Variants in DNAH9 observed in about 807,000 individuals in gnomAD.
DNAH9 encodes DNAH9 variant protein.
Under a neutral mutation model 471.6 loss-of-function variants are expected in DNAH9, and 345 were observed. That is an observed-to-expected ratio of 0.73 (90% CI 0.67 to 0.80). The LOEUF (loss-of-function observed/expected upper bound fraction) is 0.80, where lower values mean the gene tolerates loss of function less well. DNAH9 is among the 30% of genes least tolerant of loss of function. DNAH9 has a pLI of 0.00. For missense variants in DNAH9, 5,407 were observed against 5,609.2 expected (o/e 0.96, Z 1.15); for synonymous variants, 2,093 against 2,123.6 (o/e 0.99, Z 0.40).
intron 19 of DNAH9, among the ~76,000 whole-genome samples, chr17:11,683,089 A>T (rs112769656): frequency 0.024 from 3,676 of 152,320 alleles, 148 homozygotes; most frequent in African/African-American, 0.083. Context: ...AATACTACTT[A>T]GTGTTAACAA....
At chr17:11,800,249 C>T (rs1390529127) in intron 43 of DNAH9, among the ~76,000 whole-genome samples, 1 of 151,994 alleles carries the variant, frequency 6.6e-6, no homozygotes, top group Non-Finnish European at 1.5e-5. Flanking sequence ...GCCTTCCCTA[C>T]AACTTCAGTT....
chr17:11,893,406 C>T (rs373930286), intron 58 of DNAH9, among the ~76,000 whole-genome samples: 28 of 149,120 alleles, frequency 1.9e-4, no homozygotes, highest in African/African-American at 5.4e-4. Flanking sequence ...CACATACACA[C>T]GTATGTTTAT....
Position 11,798,464 on chromosome 17 carries a change from A to C in DNAH9, c.8420+671A>C, listed in dbSNP as rs1026726735. On this transcript the variant is annotated intron_variant, in intron 43 of 68. Transcript: ENST00000262442. ...AAAAAAAAAAAAAAAAAAAAGAGAG[A>C]GAGAGAGAGAGAGATAGAGGGTTTG... Among the ~76,000 whole-genome samples the C allele has an allele frequency of 8.2e-4, 118 of 144,684 alleles. 1 individual carries two copies. Among genetic ancestry groups the C allele is most frequent in the Non-Finnish European group, 1.6e-3 (102 of 65,592 alleles). The allele number at this position is 144,684 out of a possible 152,430, so 94.9% of individuals were successfully genotyped here. A position where few individuals can be genotyped will look rare whatever the true frequency, so the allele number is the denominator to read the frequency against.
At chr17:11,860,734 T>C (rs370763487) in intron 50 of DNAH9, among the ~76,000 whole-genome samples, 4 of 152,288 alleles carry the variant, frequency 2.6e-5, no homozygotes, top group South Asian at 4.1e-4. Flanking sequence ...GCTAATTTTG[T>C]ATTTTCAGTA....
In DNAH9 at chr17:11,690,045, TGCTGCAGCTCCA is replaced by T; in HGVS notation, c.4230_4241del (p.Gln1410_Leu1413del). ...GACCAGGACACCACCCTAGCGCACC[TGCTGCAGCTCCA>T]GCTGCACCACTATGAGGATGAGGTC... On this transcript the variant is annotated inframe_deletion, in exon 20 of 69. Transcript: ENST00000262442. 6.2e-7 allele frequency: 1 copy of T among 1,614,202 alleles called. No homozygotes were observed. The highest frequency in any genetic ancestry group is 8.5e-7 in the Non-Finnish European group (1 of 1,180,020).
chr17:11,756,401 G>A (rs1322164132), intron 33 of DNAH9, among the ~76,000 whole-genome samples, 167 bp from the exon 34 acceptor site: 1 of 152,078 alleles, frequency 6.6e-6, no homozygotes, highest in Non-Finnish European at 1.5e-5. Context: ...TGGGAATTAT[G>A]GGAGCTACAA....
rs779501130 is a variant in DNAH9, at chr17:11,807,892, A to G, written c.8581A>G (p.Lys2861Glu). 3.8e-6 allele frequency: 6 copies of G among 1,599,300 alleles called. No homozygotes were observed. The South Asian group carries it at 5.5e-5, about 15-fold the overall frequency. The change falls in exon 44 of 69, where the codon AAG becomes GAG. Residue 2861 changes from lysine (K) to glutamate (E), a missense_variant and splice_region_variant. Coordinates refer to ENST00000262442, the MANE Select transcript of DNAH9 (RefSeq NM_001372.4). ...LRKGYQIQDF[K>E]MDLASLCLKA... The stretch of plus-strand genomic sequence containing the variant: ...CAAAGGCTACCAGATCCAGGACTTC[A>G]AGGTAAAAGGTCAGGCAGCTGCAGG...
intron 51 of DNAH9, 57 bp from the exon 52 acceptor site, chr17:11,871,541 G>A: frequency 6.6e-7 from 1 of 1,519,260 alleles, no homozygotes; most frequent in Non-Finnish European, 9.1e-7. Flanking sequence ...TGGAATCACG[G>A]CTCTATCACC....
In DNAH9 at chr17:11,727,940, G is replaced by C. The variant is rs777141718; in HGVS notation, c.5814+18G>C. 3.2e-6 allele frequency: 5 copies of C among 1,541,574 alleles called. No individual in the cohort carries two copies. The Admixed American group carries it at 5.0e-5, about 15-fold the overall frequency. ...CAGTGCAGGTAAGGGCCAGAAGTTG[G>C]TGGGAGCCTTGTGGTCTTCATATTG... On this transcript the variant is annotated intron_variant, in intron 28 of 68. Coordinates refer to ENST00000262442, the MANE Select transcript of DNAH9 (RefSeq NM_001372.4).
At chr17:11,796,988 C>T (rs908797321) in intron 42 of DNAH9, among the ~76,000 whole-genome samples, 1 of 152,164 alleles carries the variant, frequency 6.6e-6, no homozygotes, top group African/African-American at 2.4e-5. Flanking sequence ...AGATTTGACA[C>T]ACAGCCCGAA....
At chr17:11,687,207 C>T (rs886301586) in intron 19 of DNAH9, among the ~76,000 whole-genome samples, 2 of 152,112 alleles carry the variant, frequency 1.3e-5, no homozygotes, top group Admixed American at 6.6e-5. Flanking sequence ...ATAGAGAAGG[C>T]ATGCAAATGA....
intron 61 of DNAH9, among the ~76,000 whole-genome samples, chr17:11,920,035 C>CTTTTTT (rs1165405913): frequency 3.2e-4 from 43 of 135,950 alleles, no homozygotes; most frequent in African/African-American, 9.8e-4. Context: ...TAAGTTCTTT[C>CTTTTTT]TTTTTTTTTT....
At chr17:11,600,557 A>G (rs1041618505) in intron 1 of DNAH9, among the ~76,000 whole-genome samples, 2 of 152,192 alleles carry the variant, frequency 1.3e-5, no homozygotes, top group Admixed American at 6.5e-5. Context: ...ATTGGAGACA[A>G]ACAATGTTCA....
chr17:11,657,508 T>C (rs1160040823), intron 14 of DNAH9, among the ~76,000 whole-genome samples: 2 of 152,110 alleles, frequency 1.3e-5, no homozygotes, highest in Non-Finnish European at 2.9e-5. Flanking sequence ...GGTTTACTTA[T>C]ATTCTTATTG....
intron 51 of DNAH9, among the ~76,000 whole-genome samples, chr17:11,869,747 C>T (rs1005296922): frequency 1.3e-5 from 2 of 152,184 alleles, no homozygotes; most frequent in African/African-American, 2.4e-5. Flanking sequence ...ATCAAGTCTG[C>T]AGGTCAGGGC....
chr17:11,799,934 G>C (rs1253034751), intron 43 of DNAH9, among the ~76,000 whole-genome samples: 2 of 152,040 alleles, frequency 1.3e-5, no homozygotes, highest in Non-Finnish European at 2.9e-5. Context: ...AGATACTGTT[G>C]AGGAAAAATA....
intron 55 of DNAH9, 59 bp downstream of exon 55, chr17:11,881,472 G>T: frequency 6.5e-7 from 1 of 1,533,086 alleles, no homozygotes; most frequent in Non-Finnish European, 8.8e-7. Context: ...CTCCACTCTG[G>T]GAGAGGTTGC....
At chr17:11,925,819 T>C (rs190516075) in intron 62 of DNAH9, among the ~76,000 whole-genome samples, 78 of 152,228 alleles carry the variant, frequency 5.1e-4, no homozygotes, top group African/African-American at 1.6e-3. Context: ...TCTGGATGCC[T>C]GCCTTTCCCC....
intron 48 of DNAH9, among the ~76,000 whole-genome samples, chr17:11,826,960 G>A (rs1335695288): frequency 6.6e-6 from 1 of 151,522 alleles, no homozygotes; most frequent in African/African-American, 2.4e-5. Context: ...GAGTAGCTGG[G>A]ACTACAGGCA....
Sources: gnomAD v4.1 joint callset for allele counts (sites outside exome capture counted in the v4.1 genomes callset) on GRCh38, gnomAD v4.1.1 for gene constraint, MANE v1.5 for transcripts, NCBI Gene and HGNC (gene_info 2026-07-23, HGNC 2026-07-21) for gene names.